ITGB2: variants seen among roughly 807,000 people sequenced by gnomAD.
ITGB2 encodes integrin beta-2.
A neutral mutation model predicts 86.8 loss-of-function variants in ITGB2; 56 were observed. The observed-to-expected ratio is 0.65, with a 90% CI of 0.52 to 0.81. The LOEUF (loss-of-function observed/expected upper bound fraction) is 0.81, where lower values mean the gene tolerates loss of function less well. Ranked by LOEUF, ITGB2 falls within the 30% of genes least tolerant of loss-of-function variation. ITGB2 has a pLI of 0.00. For missense variants in ITGB2, 948 were observed against 1,061.2 expected, an observed-to-expected ratio of 0.89 and a Z score of 1.48; for synonymous variants, 457 against 450.4, an observed-to-expected ratio of 1.01 and a Z score of -0.19.
intron 4 of ITGB2, among the ~76,000 whole-genome samples, chr21:44,906,142 CCT>C (rs2084039003): frequency 7.0e-6 from 1 of 142,032 alleles, no homozygotes; most frequent in African/African-American, 2.7e-5. Flanking sequence ...CCTCCCTTCC[CCT>C]TCCCTCCCTT....
chr21:44,916,385 A>G (rs1487145475), intron 1 of ITGB2, among the ~76,000 whole-genome samples: 1 of 152,160 alleles, frequency 6.6e-6, no homozygotes, highest in Non-Finnish European at 1.5e-5. Flanking sequence ...AGACAAGGGG[A>G]CACCACTCCT....
intron 1 of ITGB2, chr21:44,911,174 G>T: frequency 2.8e-6 from 1 of 351,372 alleles, no homozygotes; most frequent in Non-Finnish European, 5.5e-6. Context: ...ACATATACAT[G>T]CATCACACCA....
At chr21:44,908,063 G>A (rs777409286) in intron 3 of ITGB2, 1 of 717,728 alleles carries the variant, frequency 1.4e-6, no homozygotes, top group Admixed American at 2.0e-5. Flanking sequence ...CCTGACCAAG[G>A]TAGTTTCCAC....
chr21:44,896,048 C>T (rs1003121210), intron 8 of ITGB2, among the ~76,000 whole-genome samples: 3 of 151,094 alleles, frequency 2.0e-5, no homozygotes, highest in African/African-American at 2.4e-5. Flanking sequence ...TGAGTGCTCC[C>T]GCCTGCGGTG....
chr21:44,889,194 G>A (rs908515482), intron 13 of ITGB2, 82 bp downstream of exon 13: 2 of 1,386,440 alleles, frequency 1.4e-6, no homozygotes, highest in Admixed American at 3.4e-5. Flanking sequence ...GCTCACTGGG[G>A]TCCCCGAGTG....
At chr21:44,903,594 G>A in intron 4 of ITGB2, 59 bp from the exon 5 acceptor site, 3 of 1,604,318 alleles carry the variant, frequency 1.9e-6, no homozygotes, top group South Asian at 2.2e-5. Flanking sequence ...GGGTGTCTGG[G>A]GGCGTGTGGC....
chr21:44,900,851 C>A (rs1011946714), intron 6 of ITGB2, among the ~76,000 whole-genome samples: 2 of 152,236 alleles, frequency 1.3e-5, no homozygotes, highest in Non-Finnish European at 1.5e-5. Context: ...GGAAAACGAG[C>A]CTGAGGGGCC....
chr21:44,894,861 G>C, intron 9 of ITGB2, 110 bp downstream of exon 9: 1 of 822,208 alleles, frequency 1.2e-6, no homozygotes, highest in East Asian at 2.5e-5. Flanking sequence ...CACGGGGCAG[G>C]GGCTTTCCTC....
chr21:44,919,003 C>T (rs2084253778), intron 1 of ITGB2, among the ~76,000 whole-genome samples: 1 of 150,940 alleles, frequency 6.6e-6, no homozygotes. Context: ...GAGCATTCCC[C>T]TCTCCCAGCA....
At position 44,889,589 on chromosome 21, in the gene ITGB2, G is replaced by A. The variant is rs574851454; in HGVS notation, c.1658-94C>T. The A allele has an allele frequency of 5.5e-5, 61 of 1,102,548 alleles. No individual in the cohort carries two copies. The East Asian group carries it at 1.5e-3, about 28-fold the overall frequency. 68.3% of individuals were successfully genotyped at this position (1,102,548 alleles called of 1,614,324 possible). A position where few individuals can be genotyped will look rare whatever the true frequency, so the allele number is the denominator to read the frequency against. The stretch of plus-strand genomic sequence containing the variant: ...TGCGGTTGCTCCCTCCGGCCCGCCT[G>A]CCTCCTCCAGCCTGGGGGATGTTCC... On this transcript the variant is annotated intron_variant, in intron 12 of 15. Transcript: ENST00000652462.
chr21:44,903,608 G>T, intron 4 of ITGB2, 73 bp from the exon 5 acceptor site: 1 of 1,569,630 alleles, frequency 6.4e-7, no homozygotes, highest in Non-Finnish European at 8.7e-7. Context: ...GTGTGGCCCC[G>T]AGCGGGCTGT....
Position 44,891,661 on chromosome 21 carries a change from C to T in ITGB2, c.1412+148G>A, listed in dbSNP as rs1424021438. 20 of 839,552 alleles carry T rather than the reference C, an allele frequency of 2.4e-5. No individual in the cohort carries two copies. The Admixed American group carries it at 4.2e-4, about 18-fold the overall frequency. The allele number at this position is 839,552 out of a possible 1,614,324, so 52.0% of individuals were successfully genotyped here. A position where few individuals can be genotyped will look rare whatever the true frequency, so the allele number is the denominator to read the frequency against. On this transcript the variant is annotated intron_variant, in intron 11 of 15. Coordinates refer to ENST00000652462, the MANE Select transcript of ITGB2 (RefSeq NM_000211.5). Reference sequence around the variant, plus strand: ...GTTCTGGGTTCCAATCCCAAATCTCCCCACCTCCTGCAGAAGGGGGCCCCC... The same window carrying T: ...GTTCTGGGTTCCAATCCCAAATCTCTCCACCTCCTGCAGAAGGGGGCCCCC...
intron 3 of ITGB2, among the ~76,000 whole-genome samples, chr21:44,908,865 G>A (rs559573289): frequency 3.3e-5 from 5 of 152,322 alleles, no homozygotes; most frequent in South Asian, 2.1e-4. Flanking sequence ...TGCTCAGAAC[G>A]GTAGAACGGG....
rs371045998 is a variant in ITGB2, at chr21:44,888,839, G to A, written c.1934C>T (p.Ala645Val). ...EKGPFGKNCS[A>V]ACPGLQLSNN... ...CGACAGCTGCAGGCCCGGACACGCC[G>A]CGCTGCAGTTCTTCCCAAAGGGGCC... The change falls in exon 14 of 16, where the codon GCG becomes GTG. Residue 645 changes from alanine to valine, a missense_variant. Transcript: ENST00000652462. 42 of 1,610,290 alleles carry A rather than the reference G, an allele frequency of 2.6e-5. No homozygotes were observed. The highest frequency in any genetic ancestry group is 1.1e-4 in the East Asian group (5 of 44,880).
chr21:44,892,525 C>G (rs1445958516), intron 10 of ITGB2, among the ~76,000 whole-genome samples: 1 of 142,510 alleles, frequency 7.0e-6, no homozygotes, highest in African/African-American at 2.6e-5. Flanking sequence ...GAGGCTGAGT[C>G]AGGAGAATCA....
At chr21:44,904,299 GACAC>G (rs557327809) in intron 4 of ITGB2, among the ~76,000 whole-genome samples, 1 of 151,680 alleles carries the variant, frequency 6.6e-6, no homozygotes, top group Non-Finnish European at 1.5e-5. Context: ...CCTCCTCACA[GACAC>G]ACACACACGC....
At chr21:44,906,806 A>C (rs2084048626) in intron 4 of ITGB2, 109 bp downstream of exon 4, 9 of 1,209,476 alleles carry the variant, frequency 7.4e-6, no homozygotes, top group South Asian at 1.2e-5. Context: ...TCCGACCCGG[A>C]CACATGCCTT....
At chr21:44,886,630 CG>C in intron 15 of ITGB2, 105 bp downstream of exon 15, 1 of 1,536,810 alleles carries the variant, frequency 6.5e-7, no homozygotes, top group African/African-American at 1.4e-5. Flanking sequence ...CTGGGGAGGC[CG>C]GGGTGCAGCC....
chr21:44,898,989 C>A lies in ITGB2; in HGVS notation c.993+78G>T, dbSNP rs1463460455. On this transcript the variant is annotated intron_variant, in intron 8 of 15. Coordinates refer to ENST00000652462, the MANE Select transcript of ITGB2 (RefSeq NM_000211.5). Reference sequence around the variant, plus strand: ...CCAGCATGCAGAGGTGGCGCTCAGACCTGCAGTGGCGCTGGGTCTGGCCTG... The same window carrying A: ...CCAGCATGCAGAGGTGGCGCTCAGAACTGCAGTGGCGCTGGGTCTGGCCTG... 7 of 1,170,526 alleles carry A rather than the reference C, an allele frequency of 6.0e-6. No individual in the cohort carries two copies. The African/African-American group carries it at 6.1e-5, about 10-fold the overall frequency. 72.5% of individuals were successfully genotyped at this position (1,170,526 alleles called of 1,614,324 possible). A position where few individuals can be genotyped will look rare whatever the true frequency, so the allele number is the denominator to read the frequency against.
Sources: allele counts gnomAD v4.1 joint callset (sites outside exome capture counted in the v4.1 genomes callset), GRCh38; gene constraint gnomAD v4.1.1; transcripts MANE v1.5; gene names NCBI Gene and HGNC (gene_info 2026-07-23, HGNC 2026-07-21).